GRID2: variants seen among roughly 807,000 people sequenced by gnomAD.
GRID2 encodes the protein glutamate ionotropic receptor delta type subunit 2, also known as glutamate receptor ionotropic, delta-2.
In GRID2, 33 loss-of-function variants were observed where a neutral mutation model predicts 114.8. The observed-to-expected ratio is 0.29, with a 90% CI of 0.22 to 0.38. The LOEUF (loss-of-function observed/expected upper bound fraction) is 0.38. Ranked by LOEUF, GRID2 falls within the 10% of genes least tolerant of loss-of-function variation. The probability of loss-of-function intolerance (pLI) is 1.00; values close to 1 mark genes in which losing one functional copy is unlikely to be tolerated. For missense variants in GRID2, 1,184 were observed against 1,257.7 expected, an observed-to-expected ratio of 0.94 and a Z score of 0.89; for synonymous variants, 505 against 449.9, an observed-to-expected ratio of 1.12 and a Z score of -1.55.
In GRID2 at chr4:93,491,560, T is replaced by C. The variant is rs371071162; in HGVS notation, c.1997+783T>C. 1.4e-4 allele frequency among the ~76,000 whole-genome samples: 22 copies of C among 152,010 alleles called. No homozygotes were observed. The East Asian group carries it at 4.3e-3, about 30-fold the overall frequency. On this transcript the variant is annotated intron_variant, in intron 12 of 15. Coordinates refer to ENST00000282020, the MANE Select transcript of GRID2 (RefSeq NM_001510.4). ...CCTTATTAGAACATAATGTTCTATA[T>C]ATTGTTTTAAGAAAAATTTTCCTGA...
chr4:93,631,315 C>T (rs913318978), intron 14 of GRID2, among the ~76,000 whole-genome samples: 1 of 152,034 alleles, frequency 6.6e-6, no homozygotes, highest in Admixed American at 6.6e-5. Context: ...GTGCTGCACC[C>T]ATTAACTCAT....
chr4:93,353,305 G>C (rs781300973), intron 8 of GRID2, among the ~76,000 whole-genome samples: 1 of 151,976 alleles, frequency 6.6e-6, no homozygotes, highest in Non-Finnish European at 1.5e-5. Flanking sequence ...AAAGTACCAG[G>C]AACCCTGGAA....
intron 8 of GRID2, among the ~76,000 whole-genome samples, chr4:93,260,616 T>C (rs1341036605): frequency 6.6e-6 from 1 of 151,756 alleles, no homozygotes; most frequent in African/African-American, 2.4e-5. Context: ...TGCAAAACAC[T>C]CAAAATATAA....
chr4:92,443,093 T>G lies in GRID2; in HGVS notation c.88+138349T>G, dbSNP rs199653322. On this transcript the variant is annotated intron_variant, in intron 1 of 15. Coordinates refer to ENST00000282020, the MANE Select transcript of GRID2 (RefSeq NM_001510.4). ...AAGACTCAGCGAGGCTTGGGGTTGG[T>G]ACTGAGGGGACAGGCAGGAGGGAAA... Among the ~76,000 whole-genome samples the G allele has an allele frequency of 5.4e-4, 82 of 152,032 alleles. No homozygotes were observed. In the East Asian group the frequency reaches 0.014, roughly 26 times the overall value.
At chr4:92,820,611 G>A (rs1033782641) in intron 2 of GRID2, among the ~76,000 whole-genome samples, 1 of 152,098 alleles carries the variant, frequency 6.6e-6, no homozygotes, top group Non-Finnish European at 1.5e-5. Flanking sequence ...CTTAGAGAAT[G>A]TCAGAATCCT....
At chr4:92,464,840 T>G (rs1231753407) in intron 1 of GRID2, among the ~76,000 whole-genome samples, 1 of 152,180 alleles carries the variant, frequency 6.6e-6, no homozygotes, top group Non-Finnish European at 1.5e-5. Context: ...CCAAATCTCG[T>G]GTTGAATTGT....
intron 14 of GRID2, among the ~76,000 whole-genome samples, chr4:93,725,319 T>A (rs1293981110): frequency 2.0e-5 from 3 of 152,204 alleles, no homozygotes; most frequent in Non-Finnish European, 4.4e-5. Flanking sequence ...GAACTCATCA[T>A]TTTTTATGGC....
rs568595768 is a variant in GRID2, at chr4:92,806,238, G to A, written c.244+215952G>A. 5.0e-4 allele frequency among the ~76,000 whole-genome samples: 72 copies of A among 144,130 alleles called. No individual in the cohort carries two copies. In the South Asian group the frequency reaches 0.015, roughly 29 times the overall value. 94.6% of individuals were successfully genotyped at this position (144,130 alleles called of 152,430 possible). A position where few individuals can be genotyped will look rare whatever the true frequency, so the allele number is the denominator to read the frequency against. ...GGATATCTAAATAAATCACATTTTCGTTACCTTAAGAGATTCCATTCACTC... is the reference window on the plus strand; with the variant it reads ...GGATATCTAAATAAATCACATTTTCATTACCTTAAGAGATTCCATTCACTC... On this transcript the variant is annotated intron_variant, in intron 2 of 15. Transcript: ENST00000282020.
At chr4:92,599,715 G>A (rs1157391293) in intron 2 of GRID2, among the ~76,000 whole-genome samples, 2 of 152,104 alleles carry the variant, frequency 1.3e-5, no homozygotes, top group East Asian at 1.9e-4. Flanking sequence ...ACATTAAAAT[G>A]TCTACTATAT....
chr4:92,940,696 C>T (rs1439936418), intron 2 of GRID2, among the ~76,000 whole-genome samples: 1 of 152,064 alleles, frequency 6.6e-6, no homozygotes, highest in Non-Finnish European at 1.5e-5. Flanking sequence ...ATGATATTGG[C>T]TGTGGGTTTG....
Position 93,769,395 on chromosome 4 carries a change from C to T in GRID2, c.2546C>T (p.Ala849Val). The change falls in exon 15 of 16, where the codon GCC (alanine) becomes GTC (valine). Residue 849 changes from alanine to valine, a missense_variant. By Grantham distance (64) the Ala-to-Val change is moderately conservative. This residue lies in a region of GRID2 where 717 missense variants were observed against 796.9 expected (regional missense o/e 0.90). Coordinates refer to ENST00000282020, the MANE Select transcript of GRID2 (RefSeq NM_001510.4). ...GGAATTGTCCTCTCCTGCTTCATAG[C>T]CATGCTGGAGACGTGGTGGAACAAG... is the stretch of plus-strand genomic sequence containing the variant. ...AAGIVLSCFI[A>V]MLETWWNKRK... The T allele has an allele frequency of 6.2e-7, 1 of 1,613,362 alleles. No individual in the cohort carries two copies. Among genetic ancestry groups the T allele is most frequent in the Non-Finnish European group, 8.5e-7 (1 of 1,179,394 alleles).
chr4:93,776,183 C>T (rs1333796048), downstream of GRID2, among the ~76,000 whole-genome samples: 1 of 152,128 alleles, frequency 6.6e-6, no homozygotes, highest in African/African-American at 2.4e-5. Flanking sequence ...TGGCTTCCTT[C>T]CAGAGTACTT....
intron 1 of GRID2, among the ~76,000 whole-genome samples, chr4:93,784,186 A>C (rs1225144561): frequency 6.6e-6 from 1 of 151,616 alleles, no homozygotes. Flanking sequence ...GTTTAAGCAC[A>C]TGCTAGCCTC....
At chr4:93,052,797 A>T (rs1726851977) in intron 2 of GRID2, among the ~76,000 whole-genome samples, 1 of 152,000 alleles carries the variant, frequency 6.6e-6, no homozygotes, top group African/African-American at 2.4e-5. Context: ...GATACTCCAG[A>T]GGAACTCCAA....
chr4:93,781,343 A>AGGCCCG, intron 1 of GRID2, among the ~76,000 whole-genome samples: 2 of 151,394 alleles, frequency 1.3e-5, no homozygotes, highest in East Asian at 3.9e-4. Context: ...GGTGAGGCCC[A>AGGCCCG]CTGGGCTGCG....
At chr4:92,329,759 C>T (rs941306651) in intron 1 of GRID2, among the ~76,000 whole-genome samples, 9 of 151,774 alleles carry the variant, frequency 5.9e-5, no homozygotes, top group Non-Finnish European at 8.8e-5. Context: ...GGAATGATGA[C>T]ATATGGAGGT....
intron 14 of GRID2, among the ~76,000 whole-genome samples, chr4:93,677,500 C>T (rs1416857247): frequency 6.6e-6 from 1 of 152,142 alleles, no homozygotes; most frequent in African/African-American, 2.4e-5. Context: ...TGACCCCTGA[C>T]CCCCGAGCAG....
chr4:92,549,122 C>A (rs1399554346), intron 1 of GRID2, among the ~76,000 whole-genome samples: 797 of 111,086 alleles, frequency 7.2e-3, no homozygotes, highest in Non-Finnish European at 7.2e-3. Context: ...AGGTCTTCCG[C>A]AAAAAAAAAA....
At chr4:92,772,049 G>GA (rs1278621949) in intron 2 of GRID2, among the ~76,000 whole-genome samples, 6 of 152,094 alleles carry the variant, frequency 3.9e-5, no homozygotes, top group Non-Finnish European at 8.8e-5. Flanking sequence ...TAATGCTGCA[G>GA]AAAAAAATAG....
Sources: gnomAD v4.1 joint callset for allele counts (sites outside exome capture counted in the v4.1 genomes callset) on GRCh38, gnomAD v4.1.1 for gene constraint, gnomAD v4.1.1 regional missense constraint, MANE v1.5 for transcripts, NCBI Gene and HGNC (gene_info 2026-07-23, HGNC 2026-07-21) for gene names.